The following ABL2 variants were observed in gnomAD, a reference collection of about 807,000 sequenced individuals.
The protein encoded by ABL2 is ABL proto-oncogene 2, non-receptor tyrosine kinase, also known as tyrosine-protein kinase ABL2.
Under a neutral mutation model 107.7 loss-of-function variants are expected in ABL2, and 49 were observed. That is an observed-to-expected ratio of 0.45 (90% CI 0.36 to 0.58). ABL2 has a LOEUF of 0.58. Ranked by LOEUF, ABL2 falls within the 20% of genes least tolerant of loss-of-function variation. ABL2 has a pLI of 0.00. For missense variants in ABL2, 1,245 were observed against 1,457.0 expected (o/e 0.85, Z 2.37); for synonymous variants, 549 against 548.6 (o/e 1.00, Z -0.01).
intron 1 of ABL2, among the ~76,000 whole-genome samples, chr1:179,187,229 C>T (rs1162428828): frequency 6.6e-6 from 1 of 152,168 alleles, no homozygotes; most frequent in Non-Finnish European, 1.5e-5. Flanking sequence ...TTCTGCAATA[C>T]CAGATGCAGC....
chr1:179,186,038 A>C (rs1212193481), intron 1 of ABL2, among the ~76,000 whole-genome samples: 1 of 152,092 alleles, frequency 6.6e-6, no homozygotes, highest in East Asian at 1.9e-4. Flanking sequence ...TAAGGCCAGG[A>C]GTTCAAGACC....
At chr1:179,171,059 TAAATG>T (rs1463942117) in intron 1 of ABL2, among the ~76,000 whole-genome samples, 1 of 152,178 alleles carries the variant, frequency 6.6e-6, no homozygotes, top group South Asian at 2.1e-4. Flanking sequence ...TATTTAGAAT[TAAATG>T]AAAAGTGGGA....
chr1:179,159,298 A>G (rs1273103748), intron 1 of ABL2, among the ~76,000 whole-genome samples: 2 of 152,248 alleles, frequency 1.3e-5, no homozygotes, highest in Non-Finnish European at 2.9e-5. Context: ...AAGAGGGTCT[A>G]CACCACTGCT....
At chr1:179,124,047 C>T (rs1448432669) in intron 4 of ABL2, among the ~76,000 whole-genome samples, 1 of 152,024 alleles carries the variant, frequency 6.6e-6, no homozygotes, top group Non-Finnish European at 1.5e-5. Flanking sequence ...CGAGACCATC[C>T]TGGCTATCAT....
chr1:179,221,448 A>T (rs1662860242), intron 1 of ABL2, among the ~76,000 whole-genome samples: 1 of 152,106 alleles, frequency 6.6e-6, no homozygotes, highest in Non-Finnish European at 1.5e-5. Context: ...AAAATTAGCC[A>T]GGCATGGTGA....
chr1:179,171,651 TA>T (rs1659726078), intron 1 of ABL2, among the ~76,000 whole-genome samples: 1 of 152,156 alleles, frequency 6.6e-6, no homozygotes, highest in Non-Finnish European at 1.5e-5. Flanking sequence ...GCCTCCCAAG[TA>T]GTTGGGACTA....
intron 1 of ABL2, among the ~76,000 whole-genome samples, chr1:179,187,487 A>C (rs1660737982): frequency 6.6e-6 from 1 of 152,224 alleles, no homozygotes; most frequent in Non-Finnish European, 1.5e-5. Context: ...AAAACTGTGC[A>C]ACACAGCCTT....
In ABL2 at chr1:179,110,337, C is replaced by T. The variant is rs1474996767; in HGVS notation, c.1770G>A (p.Glu590=). 1 of 1,614,202 alleles carries T rather than the reference C, an allele frequency of 6.2e-7. No homozygotes were observed. Among genetic ancestry groups the T allele is most frequent in the Middle Eastern group, 1.6e-4 (1 of 6,062 alleles). The change falls in exon 11 of 12, where the codon GAG becomes GAA. Residue 590 remains glutamate (E), a synonymous_variant. Coordinates refer to ENST00000502732, the MANE Select transcript of ABL2 (RefSeq NM_007314.4). ...RTLKKQVENK[E]NIEGAQDATE... is the part of the protein sequence containing the mutation. ...TGGCATCTTGTGCCCCTTCAATGTT[C>T]TCCTTGTTCTCCACCTGTTTCTTCA...
intron 1 of ABL2, among the ~76,000 whole-genome samples, chr1:179,178,473 A>C (rs567019202): frequency 1.3e-5 from 2 of 151,966 alleles, no homozygotes; most frequent in African/African-American, 4.8e-5. Flanking sequence ...CAGAAACCCA[A>C]GGCATTTTTA....
chr1:179,148,049 T>TC (rs1053471177), intron 1 of ABL2, among the ~76,000 whole-genome samples: 5 of 150,430 alleles, frequency 3.3e-5, no homozygotes, highest in Non-Finnish European at 5.9e-5. Context: ...CTTTTTTTTT[T>TC]TTTTTTTGAG....
chr1:179,159,522 A>G (rs528229733), intron 1 of ABL2, among the ~76,000 whole-genome samples: 8 of 152,344 alleles, frequency 5.3e-5, no homozygotes, highest in African/African-American at 1.7e-4. Flanking sequence ...ACATCTGTTT[A>G]AGAAAGAGCT....
At chr1:179,134,594 C>A (rs990755417) in intron 1 of ABL2, among the ~76,000 whole-genome samples, 1 of 152,118 alleles carries the variant, frequency 6.6e-6, no homozygotes, top group Non-Finnish European at 1.5e-5. Flanking sequence ...AACACAGGAA[C>A]GTTATTTAGA....
chr1:179,225,857 C>T (rs753750101), intron 1 of ABL2, among the ~76,000 whole-genome samples: 7 of 151,724 alleles, frequency 4.6e-5, no homozygotes, highest in Non-Finnish European at 1.0e-4. Context: ...TTGGCTAACA[C>T]GGTGAAACCC....
Position 179,100,940 on chromosome 1 carries a change from G to A in ABL2, c.*6778C>T, listed in dbSNP as rs1289796168. Reference sequence around the variant, plus strand: ...TTTCAAAGTTAGAGATGTACATGGGGATGAAGAAGTAAGTGCACTTGGAGG... The same window carrying A: ...TTTCAAAGTTAGAGATGTACATGGGAATGAAGAAGTAAGTGCACTTGGAGG... On this transcript the variant is annotated 3_prime_UTR_variant, in exon 12 of 12. Coordinates refer to ENST00000502732, the MANE Select transcript of ABL2 (RefSeq NM_007314.4). The A allele has an allele frequency of 4.3e-6, 1 of 232,724 alleles. No individual in the cohort carries two copies. Among genetic ancestry groups the A allele is most frequent in the Non-Finnish European group, 8.5e-6 (1 of 117,780 alleles). The allele number at this position is 232,724 out of a possible 1,614,324, so 14.4% of individuals were successfully genotyped here. A position where few individuals can be genotyped will look rare whatever the true frequency, so the allele number is the denominator to read the frequency against.
At position 179,108,574 on chromosome 1, in the gene ABL2, C is replaced by T. The variant is rs558127546; in HGVS notation, c.2693G>A (p.Arg898Gln). ...PKGKEKNGGA[R>Q]LGMAGVPEDG... The stretch of plus-strand genomic sequence containing the variant: ...CTCTGGAACTCCAGCCATCCCAAGT[C>T]GTGCCCCACCATTCTTCTCTTTACC... Residue 898 changes from arginine (R) to glutamine (Q), a missense_variant, in exon 12 of 12, where the codon CGA becomes CAA. Arg to Gln is a conservative substitution (Grantham distance 43). Transcript: ENST00000502732. The T allele has an allele frequency of 3.0e-5, 49 of 1,614,062 alleles. No individual in the cohort carries two copies. The highest frequency in any genetic ancestry group is 2.2e-4 in the Admixed American group (13 of 60,020).
intron 1 of ABL2, among the ~76,000 whole-genome samples, chr1:179,160,456 T>C (rs889553002): frequency 6.6e-6 from 1 of 152,054 alleles, no homozygotes; most frequent in African/African-American, 2.4e-5. Flanking sequence ...TTCCAAACTT[T>C]TGGAACAAAT....
chr1:179,132,772 C>A (rs937602152), intron 2 of ABL2, among the ~76,000 whole-genome samples: 2 of 151,784 alleles, frequency 1.3e-5, no homozygotes, highest in African/African-American at 2.4e-5. Context: ...GAACTCCTGA[C>A]CTCAGGTGAT....
At chr1:179,183,565 G>A (rs975077862) in intron 1 of ABL2, among the ~76,000 whole-genome samples, 23 of 152,020 alleles carry the variant, frequency 1.5e-4, no homozygotes, top group African/African-American at 5.3e-4. Flanking sequence ...GATAATTCCT[G>A]TTTTTGTTCA....
At chr1:179,195,652 G>A (rs1661267900) in intron 1 of ABL2, among the ~76,000 whole-genome samples, 2 of 151,968 alleles carry the variant, frequency 1.3e-5, no homozygotes, top group Admixed American at 6.6e-5. Context: ...AGAGATGAGT[G>A]GATAAAGAAA....
Sources: gnomAD v4.1 joint callset for allele counts (sites outside exome capture counted in the v4.1 genomes callset) on GRCh38, gnomAD v4.1.1 for gene constraint, MANE v1.5 for transcripts, NCBI Gene and HGNC (gene_info 2026-07-23, HGNC 2026-07-21) for gene names.